DLG2: variants seen among roughly 807,000 people sequenced by gnomAD.
DLG2 encodes disks large homolog 2.
In DLG2, 45 loss-of-function variants were observed where a neutral mutation model predicts 132.5. The ratio of observed to expected loss-of-function variants is 0.34; its 90% CI spans 0.27 to 0.44. The LOEUF (loss-of-function observed/expected upper bound fraction) is 0.44, where lower values mean the gene tolerates loss of function less well. Ranked by LOEUF, DLG2 falls within the 20% of genes least tolerant of loss-of-function variation. The probability of loss-of-function intolerance (pLI) is 1.00; values close to 1 mark genes in which losing one functional copy is unlikely to be tolerated. For synonymous variants in DLG2, 424 were observed against 419.6 expected (o/e 1.01, Z -0.13); for missense variants, 1,045 against 1,196.9 (o/e 0.87, Z 1.87).
intron 4 of DLG2, among the ~76,000 whole-genome samples, chr11:85,183,916 G>C (rs1379777192): frequency 6.6e-6 from 1 of 151,844 alleles, no homozygotes; most frequent in Admixed American, 6.6e-5. Flanking sequence ...ATTATGTGCT[G>C]GGCACTCTAT....
At chr11:85,146,278 A>G (rs2076853573) in intron 5 of DLG2, among the ~76,000 whole-genome samples, 2 of 133,250 alleles carry the variant, frequency 1.5e-5, no homozygotes, top group Admixed American at 7.7e-5. Flanking sequence ...AGCTTCCTGG[A>G]GTTGGGGGAG....
intron 3 of DLG2, among the ~76,000 whole-genome samples, chr11:85,472,135 C>G (rs563548224): frequency 2.0e-5 from 3 of 152,040 alleles, no homozygotes; most frequent in Non-Finnish European, 4.4e-5. Context: ...TTCCTTGATG[C>G]CTTTTAGCCA....
chr11:85,075,336 T>C (rs544838335), intron 6 of DLG2, among the ~76,000 whole-genome samples: 4 of 152,006 alleles, frequency 2.6e-5, no homozygotes, highest in South Asian at 2.1e-4. Context: ...ACCTACATAC[T>C]GAAGGATGTG....
At chr11:84,349,831 C>T (rs1639807431) in intron 7 of DLG2, among the ~76,000 whole-genome samples, 1 of 122,568 alleles carries the variant, frequency 8.2e-6, no homozygotes, top group Non-Finnish European at 1.6e-5. Flanking sequence ...GAGACTCTGC[C>T]TCTAAAATAT....
chr11:85,133,476 T>A (rs1019563619), intron 5 of DLG2, among the ~76,000 whole-genome samples: 1 of 152,174 alleles, frequency 6.6e-6, no homozygotes, highest in Admixed American at 6.5e-5. Flanking sequence ...GGGCAGCTTC[T>A]TACAAATGAC....
At chr11:85,276,727 C>T (rs1174491798) in intron 4 of DLG2, among the ~76,000 whole-genome samples, 1 of 152,080 alleles carries the variant, frequency 6.6e-6, no homozygotes, top group Non-Finnish European at 1.5e-5. Flanking sequence ...ATATACTTAA[C>T]AAAACAACAT....
At chr11:83,663,824 G>A (rs998643162) in intron 18 of DLG2, among the ~76,000 whole-genome samples, 1 of 152,198 alleles carries the variant, frequency 6.6e-6, no homozygotes, top group Admixed American at 6.5e-5. Context: ...GTTGTCAAGG[G>A]CATTGTAATT....
intron 14 of DLG2, among the ~76,000 whole-genome samples, chr11:83,939,304 C>T (rs771999591): frequency 9.9e-5 from 15 of 152,036 alleles, no homozygotes; most frequent in East Asian, 3.9e-4. Flanking sequence ...TTCAGCAGAC[C>T]GGTGGGCAGG....
chr11:84,136,860 C>T (rs1348641577), intron 9 of DLG2, among the ~76,000 whole-genome samples: 1 of 152,118 alleles, frequency 6.6e-6, no homozygotes, highest in Non-Finnish European at 1.5e-5. Context: ...ATTGCACTTA[C>T]TCTACTCATA....
chr11:84,348,357 T>G (rs1365128222), intron 7 of DLG2, among the ~76,000 whole-genome samples: 1 of 152,184 alleles, frequency 6.6e-6, no homozygotes, highest in African/African-American at 2.4e-5. Flanking sequence ...AATTCAAATT[T>G]TATTCTAGAT....
chr11:83,854,067 A>T (rs1027201105), intron 16 of DLG2, among the ~76,000 whole-genome samples: 13 of 152,196 alleles, frequency 8.5e-5, no homozygotes, highest in African/African-American at 3.1e-4. Flanking sequence ...AAGCCAATTA[A>T]TTTCCTATAT....
intron 3 of DLG2, among the ~76,000 whole-genome samples, chr11:85,518,037 T>C (rs1410285965): frequency 6.6e-6 from 1 of 152,222 alleles, no homozygotes; most frequent in Non-Finnish European, 1.5e-5. Flanking sequence ...CATGTGGAAC[T>C]GTAAGTCCAA....
chr11:84,570,913 A>C (rs2099480971), intron 6 of DLG2, among the ~76,000 whole-genome samples: 1 of 152,096 alleles, frequency 6.6e-6, no homozygotes, highest in Non-Finnish European at 1.5e-5. Flanking sequence ...TATCTTTGTG[A>C]CTCAAAGCTT....
intron 6 of DLG2, among the ~76,000 whole-genome samples, chr11:85,006,320 A>T (rs2058659887): frequency 6.6e-6 from 1 of 152,004 alleles, no homozygotes. Context: ...TCCTCTTTGT[A>T]CCTCTGGTAG....
intron 7 of DLG2, among the ~76,000 whole-genome samples, chr11:84,331,918 G>A (rs1029296070): frequency 2.6e-5 from 4 of 152,140 alleles, no homozygotes; most frequent in Non-Finnish European, 4.4e-5. Context: ...ATCCAAGTCG[G>A]AGCCCAGGAA....
rs994795140 is a variant in DLG2 at position 84,833,624 on chromosome 11, GA to G, written c.357+278036del. ...ATCAGCACCATAACAACAGGGTGAT[GA>G]AAAAAAAAAGAGCAGGGAGTGGTGG... On this transcript the variant is annotated intron_variant, in intron 6 of 27. Transcript: ENST00000376104. 1.6e-3 allele frequency among the ~76,000 whole-genome samples: 227 copies of G among 146,392 alleles called. 1 individual carries two copies. Among genetic ancestry groups the G allele is most frequent in the African/African-American group, 5.0e-3 (198 of 39,994 alleles).
intron 21 of DLG2, among the ~76,000 whole-genome samples, chr11:83,513,036 G>A (rs1354749297): frequency 6.6e-6 from 1 of 152,052 alleles, no homozygotes; most frequent in Admixed American, 6.6e-5. Flanking sequence ...TAATCCTTTG[G>A]GTATATACCC....
chr11:84,435,411 C>G (rs1263246156), intron 7 of DLG2, among the ~76,000 whole-genome samples: 1 of 152,166 alleles, frequency 6.6e-6, no homozygotes, highest in African/African-American at 2.4e-5. Context: ...TTCAGGAACT[C>G]TGTGAATACA....
intron 4 of DLG2, among the ~76,000 whole-genome samples, chr11:85,267,406 T>C (rs1336229948): frequency 1.3e-5 from 2 of 152,208 alleles, no homozygotes; most frequent in Admixed American, 6.5e-5. Context: ...TTAGATACAT[T>C]TGCTATTAAG....
Sources: gnomAD v4.1 joint callset for allele counts (sites outside exome capture counted in the v4.1 genomes callset) on GRCh38, gnomAD v4.1.1 for gene constraint, MANE v1.5 for transcripts, NCBI Gene and HGNC (gene_info 2026-07-23, HGNC 2026-07-21) for gene names.